The following MCM9 variants were observed in gnomAD, a reference collection of about 807,000 sequenced individuals.
The protein encoded by MCM9 is minichromosome maintenance 9 homologous recombination repair factor.
Under a neutral mutation model 72.8 loss-of-function variants are expected in MCM9, and 55 were observed. That is an observed-to-expected ratio of 0.76 (90% CI 0.61 to 0.95). The LOEUF is 0.95. MCM9 is among the 40% of genes least tolerant of loss of function. MCM9 has a pLI of 0.00. For missense variants in MCM9, 1,279 were observed against 1,377.0 expected (o/e 0.93, Z 1.13); for synonymous variants, 480 against 503.4 (o/e 0.95, Z 0.62).
rs527365232 is a variant in MCM9, at chr6:118,927,678, G to A, written c.305-3551C>T. On this transcript the variant is annotated intron_variant, in intron 3 of 13. Coordinates refer to ENST00000619706, the MANE Select transcript of MCM9 (RefSeq NM_017696.3). ...TGTGATGAAGTGATGTATCAATGAA[G>A]TCTTACATAATATAAACTGTATAGA... is the stretch of plus-strand genomic sequence containing the variant. Among the ~76,000 whole-genome samples, 5 of 151,826 alleles carry A rather than the reference G, an allele frequency of 3.3e-5. No individual in the cohort carries two copies. The South Asian group carries it at 1.0e-3, about 32-fold the overall frequency.
intron 8 of MCM9, among the ~76,000 whole-genome samples, chr6:118,869,305 A>T (rs1777426887): frequency 6.6e-6 from 1 of 152,104 alleles, no homozygotes; most frequent in Non-Finnish European, 1.5e-5. Context: ...GAAATACCCA[A>T]TGTAAATGAT....
chr6:118,924,544 C>A (rs753192221), intron 3 of MCM9, among the ~76,000 whole-genome samples: 2 of 152,148 alleles, frequency 1.3e-5, no homozygotes, highest in Non-Finnish European at 2.9e-5. Context: ...AATCACGCAG[C>A]AGACCGATAA....
chr6:118,823,606 C>T (rs1773962911), intron 13 of MCM9, among the ~76,000 whole-genome samples: 1 of 152,152 alleles, frequency 6.6e-6, no homozygotes, highest in African/African-American at 2.4e-5. Context: ...AGGATGACTT[C>T]CTAATAAGGA....
intron 5 of MCM9, chr6:118,918,071 C>T (rs972853049): frequency 2.9e-6 from 1 of 350,526 alleles, no homozygotes; most frequent in African/African-American, 2.1e-5. Context: ...ATTCATTCAT[C>T]ACAGTTACAT....
rs139991858 is a variant in MCM9, at chr6:118,877,055, C to A, written c.1151-20510G>T. Among the ~76,000 whole-genome samples, 361 of 152,252 alleles carry A rather than the reference C, an allele frequency of 2.4e-3. 1 individual carries two copies. The Middle Eastern group carries it at 0.024, about 10-fold the overall frequency. The stretch of plus-strand genomic sequence containing the variant: ...TTTCTTGGAATGCTAGATTTTAGAG[C>A]CCAGCCACTATGTTGTAAAGAAGCC... On this transcript the variant is annotated intron_variant, in intron 8 of 13. Transcript: ENST00000619706.
chr6:118,821,415 T>G (rs2114516759), intron 13 of MCM9, among the ~76,000 whole-genome samples: 1 of 152,336 alleles, frequency 6.6e-6, no homozygotes. Flanking sequence ...AATTCTGGGT[T>G]GAAAATTCTT....
chr6:118,896,334 A>AT (rs1377422935), intron 8 of MCM9, among the ~76,000 whole-genome samples: 2 of 152,164 alleles, frequency 1.3e-5, no homozygotes, highest in African/African-American at 2.4e-5. Context: ...ATTCCAACTT[A>AT]TACCACACTG....
chr6:118,841,513 T>G (rs930485092), intron 9 of MCM9, among the ~76,000 whole-genome samples: 5 of 152,212 alleles, frequency 3.3e-5, no homozygotes, highest in African/African-American at 1.2e-4. Context: ...CAGTGGTTCC[T>G]AAGCCAGGCA....
chr6:118,831,360 A>G (rs1036805763), intron 9 of MCM9, among the ~76,000 whole-genome samples: 1 of 151,200 alleles, frequency 6.6e-6, no homozygotes, highest in Non-Finnish European at 1.5e-5. Flanking sequence ...AAAAAAAAAA[A>G]AGTTGGGGGT....
intron 8 of MCM9, among the ~76,000 whole-genome samples, chr6:118,871,540 G>C (rs1464528662): frequency 1.3e-5 from 2 of 152,176 alleles, no homozygotes; most frequent in African/African-American, 4.8e-5. Flanking sequence ...GTGAAAAGTT[G>C]AAGGCTTTTC....
intron 8 of MCM9, among the ~76,000 whole-genome samples, chr6:118,883,834 A>C (rs944989341): frequency 3.3e-5 from 5 of 152,238 alleles, no homozygotes; most frequent in Admixed American, 1.3e-4. Context: ...AGAATTACTA[A>C]AGGAGGTTCT....
chr6:118,904,229 T>C (rs185220272), intron 8 of MCM9, among the ~76,000 whole-genome samples: 7 of 151,976 alleles, frequency 4.6e-5, no homozygotes, highest in Admixed American at 4.6e-4. Flanking sequence ...ATGAAAAAAA[T>C]GTTGAGACTG....
At chr6:118,823,046 C>T (rs988089721) in intron 13 of MCM9, among the ~76,000 whole-genome samples, 12 of 152,168 alleles carry the variant, frequency 7.9e-5, no homozygotes, top group African/African-American at 2.9e-4. Flanking sequence ...GCTTGCTAGA[C>T]TCCATGGGAG....
intron 9 of MCM9, among the ~76,000 whole-genome samples, chr6:118,848,590 T>G (rs944214796): frequency 6.6e-6 from 1 of 151,836 alleles, no homozygotes; most frequent in South Asian, 2.1e-4. Flanking sequence ...ATACTTGCTA[T>G]CCTAATCTCC....
At chr6:118,894,905 A>G (rs986369791) in intron 8 of MCM9, among the ~76,000 whole-genome samples, 2 of 151,898 alleles carry the variant, frequency 1.3e-5, no homozygotes, top group African/African-American at 4.8e-5. Flanking sequence ...GAGGCTGGGA[A>G]GGGAGAGGCT....
intron 13 of MCM9, among the ~76,000 whole-genome samples, chr6:118,823,715 T>C (rs1583335193): frequency 6.6e-6 from 1 of 152,302 alleles, no homozygotes; most frequent in East Asian, 1.9e-4. Context: ...TTCTACGTGC[T>C]TACTTTGAAA....
intron 8 of MCM9, chr6:118,911,004 C>T: frequency 1.0e-6 from 1 of 985,108 alleles, no homozygotes; most frequent in East Asian, 1.1e-4. Context: ...AAACATTACC[C>T]AATCAAAACT....
Position 118,831,745 on chromosome 6 carries a change from G to A in MCM9, c.1326-2495C>T, listed in dbSNP as rs148673775. Among the ~76,000 whole-genome samples, 1,305 of 152,170 alleles carry A rather than the reference G, an allele frequency of 8.6e-3. 19 individuals are homozygous for A. Among genetic ancestry groups the A allele is most frequent in the African/African-American group, 0.029 (1,213 of 41,514 alleles). On this transcript the variant is annotated intron_variant, in intron 9 of 13. Transcript: ENST00000619706. ...AAATGAATGAATTCATAGACTGTAA[G>A]GTAACTCATTTTTCTATCCCATATG...
At chr6:118,903,744 T>G (rs1779971626) in intron 8 of MCM9, among the ~76,000 whole-genome samples, 1 of 152,080 alleles carries the variant, frequency 6.6e-6, no homozygotes, top group African/African-American at 2.4e-5. Context: ...GGGGGTGAAG[T>G]ATTTCTTTTT....
Sources: allele counts gnomAD v4.1 joint callset (sites outside exome capture counted in the v4.1 genomes callset), GRCh38; gene constraint gnomAD v4.1.1; transcripts MANE v1.5; gene names NCBI Gene and HGNC (gene_info 2026-07-23, HGNC 2026-07-21).